The following NQO2 variants were observed in gnomAD, a reference collection of about 807,000 sequenced individuals.
NQO2 encodes the protein ribosyldihydronicotinamide dehydrogenase [quinone].
A neutral mutation model predicts 22.0 loss-of-function variants in NQO2; 18 were observed. That is an observed-to-expected ratio of 0.82 (90% CI 0.56 to 1.21). The LOEUF is 1.21. NQO2 is among the 50% of genes most tolerant of loss of function. The pLI is 0.00. For synonymous variants in NQO2, 106 were observed against 110.8 expected (o/e 0.96, Z 0.28); for missense variants, 267 against 286.9 (o/e 0.93, Z 0.50).
At chr6:3,001,665 G>C (rs2113425590) in intron 1 of NQO2, among the ~76,000 whole-genome samples, 1 of 152,246 alleles carries the variant, frequency 6.6e-6, no homozygotes, top group South Asian at 2.1e-4. Flanking sequence ...GCCCAGCACG[G>C]GGACTGTCCA....
At chr6:3,014,487 G>T (rs1266239597) in intron 4 of NQO2, among the ~76,000 whole-genome samples, 1 of 152,104 alleles carries the variant, frequency 6.6e-6, no homozygotes, top group Middle Eastern at 3.2e-3. Context: ...CCTTGGGTCG[G>T]CCGGCCACGT....
rs775008078 is a variant in NQO2 at position 3,010,170 on chromosome 6, CACAG to C, written c.157_160del (p.Asp53LysfsTer44). 6 of 1,611,474 alleles carry C rather than the reference CACAG, an allele frequency of 3.7e-6. No homozygotes were observed. The highest frequency in any genetic ancestry group is 1.7e-5 in the Admixed American group (1 of 59,436). On this transcript the variant is annotated frameshift_variant, in exon 3 of 7. Transcript: ENST00000380455. LOFTEE classifies it high-confidence loss of function. Reference sequence around the variant, plus strand: ...ATGCCATGAACCTTGAGCCGAGGGCCACAGACAAAGATATCACTGGTGAGTCATG... The same window carrying C: ...ATGCCATGAACCTTGAGCCGAGGGCCACAAAGATATCACTGGTGAGTCATG...
At chr6:3,018,275 G>A (rs1219275811) in intron 6 of NQO2, among the ~76,000 whole-genome samples, 1 of 152,212 alleles carries the variant, frequency 6.6e-6, no homozygotes, top group Non-Finnish European at 1.5e-5. Flanking sequence ...GGGAGGCTGA[G>A]GCAGTGGATC....
At chr6:3,002,083 C>T (rs751163609) in intron 1 of NQO2, 17 of 351,752 alleles carry the variant, frequency 4.8e-5, no homozygotes, top group South Asian at 1.1e-4. Flanking sequence ...ACTCACATGC[C>T]ACCAGCCATA....
At chr6:3,013,042 G>A (rs1254778710) in intron 4 of NQO2, among the ~76,000 whole-genome samples, 10 of 130,392 alleles carry the variant, frequency 7.7e-5, no homozygotes, top group South Asian at 5.2e-4. Context: ...TGCAAGCTCC[G>A]CCTCCCGGGT....
intron 5 of NQO2, 166 bp from the exon 6 acceptor site, chr6:3,016,718 G>C (rs1757339109): frequency 1.0e-6 from 1 of 979,950 alleles, no homozygotes; most frequent in Admixed American, 6.2e-5. Flanking sequence ...CCTCCTCTTG[G>C]GATGTCATTG....
At chr6:3,007,904 T>G (rs1485986778) in intron 2 of NQO2, among the ~76,000 whole-genome samples, 1 of 152,254 alleles carries the variant, frequency 6.6e-6, no homozygotes, top group African/African-American at 2.4e-5. Context: ...AATGTAGGGT[T>G]AGCATGGAAG....
chr6:3,010,109 G>A lies in NQO2; in HGVS notation c.92G>A (p.Ser31Asn). The change falls in exon 3 of 7, where the codon AGC becomes AAC. Residue 31 changes from serine (S) to asparagine (N), a missense_variant. Transcript: ENST00000380455. ...AAGAATGTGGCTGTAGATGAACTGA[G>A]CAGGCAGGGCTGCACCGTCACAGTG... is the stretch of plus-strand genomic sequence containing the variant. ...SLKNVAVDELSRQGCTVTVSD... is the reference protein window; with the variant it reads ...SLKNVAVDELNRQGCTVTVSD... 1 of 1,614,066 alleles carries A rather than the reference G, an allele frequency of 6.2e-7. No individual in the cohort carries two copies.
rs751626888 is a variant in NQO2 at position 3,012,946 on chromosome 6, CTTTTTTTTTTTTTT to C, written c.303+286_303+299del. ...AACACTGTACGTAGATGTAACACTA[CTTTTTTTTTTTTTT>C]TTTTTTTTTTTTTGAGACGGAGTCT... On this transcript the variant is annotated intron_variant, in intron 4 of 6. Transcript: ENST00000380455. Among the ~76,000 whole-genome samples, 9 of 60,724 alleles carry C rather than the reference CTTTTTTTTTTTTTT, an allele frequency of 1.5e-4. 1 individual carries two copies. Among genetic ancestry groups the C allele is most frequent in the South Asian group, 5.7e-4 (1 of 1,746 alleles). The allele number at this position is 60,724 out of a possible 152,430, so 39.8% of individuals were successfully genotyped here. A position where few individuals can be genotyped will look rare whatever the true frequency, so the allele number is the denominator to read the frequency against.
At chr6:3,016,110 G>A (rs1757316652) in intron 5 of NQO2, among the ~76,000 whole-genome samples, 2 of 152,340 alleles carry the variant, frequency 1.3e-5, no homozygotes, top group Non-Finnish European at 1.5e-5. Context: ...TGTGCCACAT[G>A]TGGTAGCTAT....
At chr6:3,012,698 A>G (rs1757177185) in intron 4 of NQO2, 24 bp downstream of exon 4, 2 of 1,601,204 alleles carry the variant, frequency 1.2e-6, no homozygotes, top group East Asian at 4.5e-5. Context: ...TAATTAATAT[A>G]TTGAATCAGA....
chr6:3,018,808 A>G (rs1757428166), intron 6 of NQO2, among the ~76,000 whole-genome samples: 1 of 151,802 alleles, frequency 6.6e-6, no homozygotes, highest in South Asian at 2.1e-4. Flanking sequence ...AGCCAAGTTC[A>G]AATTCTTCTT....
chr6:3,009,516 G>A (rs1211594804), intron 2 of NQO2, among the ~76,000 whole-genome samples: 1 of 152,206 alleles, frequency 6.6e-6, no homozygotes, highest in Non-Finnish European at 1.5e-5. Flanking sequence ...TTAAAGTAAA[G>A]ACAAGCATAG....
chr6:3,012,607 G>C lies in NQO2; in HGVS notation c.236G>C (p.Arg79Thr). The change falls in exon 4 of 7, where the codon AGG becomes ACG. Residue 79 changes from arginine to threonine, a missense_variant. Arg to Thr is a moderately conservative substitution (Grantham distance 71). Transcript: ENST00000380455. ...GAAACCCACGAAGCCTACAAGCAAA[G>C]GTCTCTGGCTAGCGACATCACTGAT... ...GVETHEAYKQ[R>T]SLASDITDEQ... 6.2e-7 allele frequency: 1 copy of C among 1,614,170 alleles called. No homozygotes were observed. The highest frequency in any genetic ancestry group is 8.5e-7 in the Non-Finnish European group (1 of 1,180,028).
At chr6:3,017,091 G>C in intron 6 of NQO2, 106 bp downstream of exon 6, 3 of 1,310,080 alleles carry the variant, frequency 2.3e-6, no homozygotes, top group Non-Finnish European at 2.1e-6. Context: ...CATGCCCTCA[G>C]CTCCCCGAGG....
intron 6 of NQO2, 176 bp from the exon 7 acceptor site, chr6:3,019,303 A>C (rs1757452402): frequency 1.8e-5 from 17 of 968,204 alleles, no homozygotes; most frequent in Non-Finnish European, 2.1e-5. Flanking sequence ...GCTCTTATGC[A>C]AGGCTGTGTC....
Position 3,016,912 on chromosome 6 carries a change from C to T in NQO2, c.446C>T (p.Thr149Met), listed in dbSNP as rs758500227. 6.2e-6 allele frequency: 10 copies of T among 1,612,170 alleles called. No homozygotes were observed. Among genetic ancestry groups the T allele is most frequent in the South Asian group, 4.4e-5 (4 of 90,982 alleles). The change falls in exon 6 of 7, where the codon ACG becomes ATG. Residue 149 changes from threonine (T) to methionine (M), a missense_variant. Thr to Met is a moderately conservative substitution (Grantham distance 81). Coordinates refer to ENST00000380455, the MANE Select transcript of NQO2 (RefSeq NM_000904.6). ...QGKLALLSVT[T>M]GGTAEMYTKT... ...AAACTAGCGCTCCTTTCCGTAACCA[C>T]GGGAGGCACGGCCGAGATGTACACG...
chr6:3,006,712 ATTG>A lies in NQO2; in HGVS notation c.7+158_7+160del, dbSNP rs1756962237. The A allele has an allele frequency of 1.4e-6, 1 of 712,524 alleles. No individual in the cohort carries two copies. Among genetic ancestry groups the A allele is most frequent in the African/African-American group, 1.8e-5 (1 of 54,466 alleles). 44.1% of individuals were successfully genotyped at this position (712,524 alleles called of 1,614,324 possible). On this transcript the variant is annotated intron_variant, in intron 2 of 6. Transcript: ENST00000380455. This position sits in a 1 kb window ranked among gnomAD's most constrained non-coding sequence, Gnocchi z 4.0. Reference sequence around the variant, plus strand: ...AGACTCTTAATCAGAAATTGGATACATTGTTGTAAAAAATCCAAGCCACGTGGA... The same window carrying A: ...AGACTCTTAATCAGAAATTGGATACATTGTAAAAAATCCAAGCCACGTGGA...
Position 3,016,894 on chromosome 6 carries a change from C to A in NQO2, c.428C>A (p.Ala143Glu). ...CTTTCTCCCTTGCAGGGTAAACTAG[C>A]GCTCCTTTCCGTAACCACGGGAGGC... is the stretch of plus-strand genomic sequence containing the variant. ...YDSGLLQGKL[A>E]LLSVTTGGTA... Residue 143 changes from alanine (A) to glutamate (E), a missense_variant, in exon 6 of 7, where the codon GCG becomes GAG. Physicochemically the swap from Ala to Glu is moderately radical, Grantham distance 107. Coordinates refer to ENST00000380455, the MANE Select transcript of NQO2 (RefSeq NM_000904.6). 6.2e-7 allele frequency: 1 copy of A among 1,613,746 alleles called. No individual in the cohort carries two copies. Among genetic ancestry groups the A allele is most frequent in the Non-Finnish European group, 8.5e-7 (1 of 1,180,012 alleles).
Sources: gnomAD v4.1 joint callset for allele counts (sites outside exome capture counted in the v4.1 genomes callset) on GRCh38, gnomAD v4.1.1 for gene constraint, Gnocchi (gnomAD v3.1) non-coding constraint, MANE v1.5 for transcripts, NCBI Gene and HGNC (gene_info 2026-07-23, HGNC 2026-07-21) for gene names.